The following ETFDH variants were observed in gnomAD, a reference collection of about 807,000 sequenced individuals.
The protein encoded by ETFDH is electron transfer flavoprotein-ubiquinone oxidoreductase, mitochondrial.
Under a neutral mutation model 73.2 loss-of-function variants are expected in ETFDH, and 61 were observed. The ratio of observed to expected loss-of-function variants is 0.83; its 90% CI spans 0.68 to 1.03. The LOEUF (loss-of-function observed/expected upper bound fraction) is 1.03, where lower values mean the gene tolerates loss of function less well. Ranked by LOEUF, ETFDH falls within the 50% of genes least tolerant of loss-of-function variation. ETFDH has a pLI of 0.00. For synonymous variants in ETFDH, 243 were observed against 253.3 expected, an observed-to-expected ratio of 0.96 and a Z score of 0.39; for missense variants, 685 against 745.0, an observed-to-expected ratio of 0.92 and a Z score of 0.94.
chr4:158,704,502 T>G (rs1052632801), intron 10 of ETFDH, among the ~76,000 whole-genome samples: 1 of 152,328 alleles, frequency 6.6e-6, no homozygotes, highest in Non-Finnish European at 1.5e-5. Context: ...GCACTCACAG[T>G]GGCCCTGCCT....
In ETFDH at chr4:158,673,035, G is replaced by A. The variant is rs865848986; in HGVS notation, c.34+545G>A. 1.2e-4 allele frequency among the ~76,000 whole-genome samples: 19 copies of A among 152,226 alleles called. 1 individual carries two copies. Among genetic ancestry groups the A allele is most frequent in the African/African-American group, 4.6e-4 (19 of 41,472 alleles). On this transcript the variant is annotated intron_variant, in intron 1 of 12. Coordinates refer to ENST00000511912, the MANE Select transcript of ETFDH (RefSeq NM_004453.4). ...TCTAAAATTAAGGGCTGGGCGTGGT[G>A]GCTCAAGCCTGTAATCCCAGCACTC...
chr4:158,697,431 T>C (rs1402882756), intron 7 of ETFDH, 128 bp from the exon 8 acceptor site: 3 of 797,360 alleles, frequency 3.8e-6, no homozygotes, highest in Non-Finnish European at 6.1e-6. Context: ...TGTATTCTTA[T>C]ATCACAGTTT....
intron 1 of ETFDH, 34 bp downstream of exon 1, chr4:158,672,524 G>A: frequency 6.2e-7 from 1 of 1,611,978 alleles, no homozygotes; most frequent in South Asian, 1.1e-5. Flanking sequence ...ATAAGTGGAG[G>A]AGTTAGGGCA....
At chr4:158,708,305 T>C in intron 12 of ETFDH, 59 bp from the exon 13 acceptor site, 1 of 1,349,500 alleles carries the variant, frequency 7.4e-7, no homozygotes, top group Non-Finnish European at 1.0e-6. Flanking sequence ...ATTTTTACTT[T>C]TGAATTTAAA....
intron 9 of ETFDH, 74 bp from the exon 10 acceptor site, chr4:158,703,349 G>A: frequency 2.0e-6 from 2 of 1,018,810 alleles, no homozygotes; most frequent in South Asian, 1.3e-5. Flanking sequence ...AATACTTTAA[G>A]ACTGATTTGG....
chr4:158,698,148 T>TA (rs1308101431), intron 8 of ETFDH, among the ~76,000 whole-genome samples: 1 of 151,728 alleles, frequency 6.6e-6, no homozygotes, highest in African/African-American at 2.4e-5. Context: ...TAGAACTTTT[T>TA]AAAAATACCA....
At chr4:158,685,013 A>C in intron 4 of ETFDH, 88 bp from the exon 5 acceptor site, 1 of 804,032 alleles carries the variant, frequency 1.2e-6, no homozygotes, top group Non-Finnish European at 2.1e-6. Context: ...GTAGAAATAC[A>C]TATTGATTCG....
rs1056250958 is a variant in ETFDH at position 158,698,300 on chromosome 4, A to G, written c.972+601A>G. On this transcript the variant is annotated intron_variant, in intron 8 of 12. Coordinates refer to ENST00000511912, the MANE Select transcript of ETFDH (RefSeq NM_004453.4). ...AGTGTCATGATTAGACCTCCATATGATACATTGTTAAATTTATGTGTTACT... is the reference window on the plus strand; with the variant it reads ...AGTGTCATGATTAGACCTCCATATGGTACATTGTTAAATTTATGTGTTACT... Among the ~76,000 whole-genome samples the G allele has an allele frequency of 4.6e-5, 7 of 152,168 alleles. No individual in the cohort carries two copies. The East Asian group carries it at 7.7e-4, about 17-fold the overall frequency.
chr4:158,694,892 G>A (rs138445343), intron 6 of ETFDH, among the ~76,000 whole-genome samples: 4 of 152,206 alleles, frequency 2.6e-5, no homozygotes, highest in African/African-American at 7.2e-5. Flanking sequence ...TGGTGTGCAC[G>A]GTAGACTGGC....
Position 158,685,121 on chromosome 4 carries a change from G to T in ETFDH, c.508G>T (p.Gly170Cys), listed in dbSNP as rs775548362. ...ILPGLPMNNH[G>C]NYIVRLGHLV... ...TATAGGGCTTCCAATGAATAATCATGGCAATTACATTGTACGCTTGGGACA... is the reference window on the plus strand; with the variant it reads ...TATAGGGCTTCCAATGAATAATCATTGCAATTACATTGTACGCTTGGGACA... Residue 170 changes from glycine to cysteine, a missense_variant, in exon 5 of 13, where the codon GGC becomes TGC. Physicochemically the swap from Gly to Cys is radical, Grantham distance 159. Transcript: ENST00000511912. 2.2e-5 allele frequency: 35 copies of T among 1,606,430 alleles called. No individual in the cohort carries two copies. The highest frequency in any genetic ancestry group is 2.9e-5 in the Non-Finnish European group (34 of 1,173,396).
At chr4:158,690,879 AAAATAAAT>A (rs577737808) in intron 6 of ETFDH, among the ~76,000 whole-genome samples, 77 of 151,964 alleles carry the variant, frequency 5.1e-4, no homozygotes, top group Non-Finnish European at 8.2e-4. Flanking sequence ...ACCTGGTCTC[AAAATAAAT>A]AAATAAATAA....
At chr4:158,703,396 A>T (rs1226565525) in intron 9 of ETFDH, 27 bp from the exon 10 acceptor site, 1 of 1,542,540 alleles carries the variant, frequency 6.5e-7, no homozygotes, top group African/African-American at 1.4e-5. Context: ...GAACTAACAA[A>T]TGTATTCTGA....
chr4:158,692,269 G>A (rs994633520), intron 6 of ETFDH, among the ~76,000 whole-genome samples: 3 of 151,476 alleles, frequency 2.0e-5, no homozygotes, highest in South Asian at 2.1e-4. Context: ...GCGTAGTGGC[G>A]CACGCCTGTA....
At chr4:158,679,546 A>T (rs1273433935) in intron 1 of ETFDH, 3 of 152,208 alleles carry the variant, frequency 2.0e-5, no homozygotes. Flanking sequence ...AGATTATATT[A>T]GAAGTTACTG....
chr4:158,706,782 A>G lies in ETFDH; in HGVS notation c.1622A>G (p.Asp541Gly), dbSNP rs1245449764. The G allele has an allele frequency of 6.2e-7, 1 of 1,613,980 alleles. No homozygotes were observed. Residue 541 changes from aspartate (D) to glycine (G), a missense_variant, in exon 12 of 13, where the codon GAT becomes GGT. Physicochemically the swap from Asp to Gly is moderately conservative, Grantham distance 94 (BLOSUM62 -1). Coordinates refer to ENST00000511912, the MANE Select transcript of ETFDH (RefSeq NM_004453.4). ...CAGCCGGCACACTTAACCTTAAGGG[A>G]TGACAGTATACCTGTAAATAGAAAT... is the stretch of plus-strand genomic sequence containing the variant. ...HDQPAHLTLR[D>G]DSIPVNRNLS...
In ETFDH at chr4:158,682,415, A is replaced by T; in HGVS notation, c.396A>T (p.Lys132Asn). ...TTAAAGAACTCTTCCCAGACTGGAA[A>T]GAGAAGGGGGTATGAAAAATTGTTT... ...GAFKELFPDW[K>N]EKGAPLNTPV... Residue 132 changes from lysine (K) to asparagine (N), a missense_variant, in exon 3 of 13, where the codon AAA (lysine) becomes AAT (asparagine). Physicochemically the swap from Lys to Asn is moderately conservative, Grantham distance 94. Around this residue, in one of 3 missense-constraint regions of ETFDH, gnomAD observed 405 missense variants for 399.3 expected, o/e 1.01. Coordinates refer to ENST00000511912, the MANE Select transcript of ETFDH (RefSeq NM_004453.4). 6.2e-7 allele frequency: 1 copy of T among 1,613,594 alleles called. No individual in the cohort carries two copies. The highest frequency in any genetic ancestry group is 8.5e-7 in the Non-Finnish European group (1 of 1,179,476).
rs958759984 is a variant in ETFDH, at chr4:158,680,338, T to A, written c.35-129T>A. 19 of 634,634 alleles carry A rather than the reference T, an allele frequency of 3.0e-5. No individual in the cohort carries two copies. In the South Asian group the frequency reaches 3.1e-4, roughly 10 times the overall value. 39.3% of individuals were successfully genotyped at this position (634,634 alleles called of 1,614,324 possible). On this transcript the variant is annotated intron_variant, in intron 1 of 12. Coordinates refer to ENST00000511912, the MANE Select transcript of ETFDH (RefSeq NM_004453.4). ...CTTTATGAGAAAAAGCTATTCAAAG[T>A]GTTCACCTAGGAAAGATTATAGTAT...
At chr4:158,678,150 T>C (rs2150303249) in intron 1 of ETFDH, among the ~76,000 whole-genome samples, 1 of 152,356 alleles carries the variant, frequency 6.6e-6, no homozygotes, top group East Asian at 1.9e-4. Context: ...TTAACATTGA[T>C]GAAATAAAGT....
chr4:158,695,509 A>G lies in ETFDH; in HGVS notation c.697A>G (p.Arg233Gly). 2 of 1,612,720 alleles carry G rather than the reference A, an allele frequency of 1.2e-6. No individual in the cohort carries two copies. Among genetic ancestry groups the G allele is most frequent in the Admixed American group, 3.3e-5 (2 of 59,980 alleles). Reference protein sequence around the residue: ...KDGAPKATFERGLELHAKVTI... With the variant: ...KDGAPKATFEGGLELHAKVTI... ...TTTTGCTTTTCAGGCAACATTTGAG[A>G]GAGGACTGGAACTACATGCTAAAGT... is the stretch of plus-strand genomic sequence containing the variant. Residue 233 changes from arginine (R) to glycine (G), a missense_variant, in exon 7 of 13, where the codon AGA becomes GGA. This residue lies in a region of ETFDH where 405 missense variants were observed against 399.3 expected (regional missense o/e 1.01). Transcript: ENST00000511912.
Sources: allele counts gnomAD v4.1 joint callset (sites outside exome capture counted in the v4.1 genomes callset), GRCh38; gene constraint gnomAD v4.1.1; regional missense constraint gnomAD v4.1.1; transcripts MANE v1.5; gene names NCBI Gene and HGNC (gene_info 2026-07-23, HGNC 2026-07-21).